The following CLNK variants were observed in gnomAD, a reference collection of about 807,000 sequenced individuals.
CLNK encodes the protein cytokine-dependent hematopoietic cell linker.
In CLNK, 74 loss-of-function variants were observed where a neutral mutation model predicts 68.6. That is an observed-to-expected ratio of 1.08 (90% CI 0.89 to 1.31). The LOEUF (loss-of-function observed/expected upper bound fraction) is 1.31, where lower values mean the gene tolerates loss of function less well. Among genes scored for constraint, CLNK ranks in the 50% most tolerant of loss-of-function variants. The pLI, the probability that CLNK is intolerant of heterozygous loss-of-function variation, is 0.00. For missense variants in CLNK, 553 were observed against 515.3 expected, an observed-to-expected ratio of 1.07 and a Z score of -0.71; for synonymous variants, 198 against 172.2, an observed-to-expected ratio of 1.15 and a Z score of -1.17.
intron 2 of CLNK, among the ~76,000 whole-genome samples, chr4:10,624,447 C>A (rs756353574): frequency 1.1e-4 from 17 of 152,296 alleles, no homozygotes; most frequent in African/African-American, 3.8e-4. Context: ...CGCCCGCCAC[C>A]ACGCCCGGCT....
At chr4:10,562,667 G>A (rs1719945964) in intron 7 of CLNK, among the ~76,000 whole-genome samples, 1 of 152,148 alleles carries the variant, frequency 6.6e-6, no homozygotes, top group South Asian at 2.1e-4. Context: ...GACTCCCAAA[G>A]TGCTGAGATT....
chr4:10,568,613 G>C (rs1239191116), intron 5 of CLNK, among the ~76,000 whole-genome samples: 1 of 152,214 alleles, frequency 6.6e-6, no homozygotes, highest in East Asian at 1.9e-4. Flanking sequence ...AATTTAGATA[G>C]AGGAGTCCAA....
intron 2 of CLNK, among the ~76,000 whole-genome samples, chr4:10,655,637 ATTTTTTTTTTTTTT>A (rs869196104): frequency 1.3e-5 from 1 of 74,806 alleles, no homozygotes; most frequent in Non-Finnish European, 2.5e-5. Context: ...GATAGATAGC[ATTTTTTTTTTTTTT>A]TTTTTTTTTT....
At chr4:10,569,107 G>C (rs967192741) in intron 5 of CLNK, among the ~76,000 whole-genome samples, 1 of 151,430 alleles carries the variant, frequency 6.6e-6, no homozygotes, top group African/African-American at 2.4e-5. Context: ...GAGAATTTAG[G>C]TAAAATGTAT....
intron 2 of CLNK, among the ~76,000 whole-genome samples, chr4:10,665,348 GC>G (rs1176665745): frequency 6.6e-6 from 1 of 152,160 alleles, no homozygotes; most frequent in Non-Finnish European, 1.5e-5. Flanking sequence ...TACAGAAGAG[GC>G]CCTTGGCATA....
At chr4:10,685,825 T>G (rs1725250816), upstream of CLNK, among the ~76,000 whole-genome samples, 1 of 152,180 alleles carries the variant, frequency 6.6e-6, no homozygotes, top group African/African-American at 2.4e-5. Flanking sequence ...ATTTTGTAAT[T>G]GTGAAAACTG....
chr4:10,716,525 G>T, the CLNK span, among the ~76,000 whole-genome samples: 1 of 152,120 alleles, frequency 6.6e-6, no homozygotes, highest in Admixed American at 6.5e-5. Flanking sequence ...CAACAAGGTG[G>T]TGAGTTCCCT....
At chr4:10,687,400 C>A (rs1725306582), upstream of CLNK, among the ~76,000 whole-genome samples, 1 of 151,772 alleles carries the variant, frequency 6.6e-6, no homozygotes, top group South Asian at 2.1e-4. Context: ...GACAAGAGAT[C>A]TGAGGTGTTG....
At chr4:10,689,903 C>T in the CLNK span, among the ~76,000 whole-genome samples, 4 of 151,926 alleles carry the variant, frequency 2.6e-5, no homozygotes, top group Non-Finnish European at 4.4e-5. Flanking sequence ...AATTGCTGTT[C>T]CCTCTCATCT....
chr4:10,586,680 C>A (rs975640193), intron 3 of CLNK, among the ~76,000 whole-genome samples: 11 of 152,142 alleles, frequency 7.2e-5, no homozygotes, highest in Admixed American at 2.0e-4. Context: ...CACTCTGGGC[C>A]CTTTGTTGCA....
chr4:10,730,101 G>A, the CLNK span, among the ~76,000 whole-genome samples: 3 of 152,214 alleles, frequency 2.0e-5, no homozygotes, highest in Non-Finnish European at 4.4e-5. Flanking sequence ...TGTGTTGGCA[G>A]TGGCTGTGGG....
the CLNK span, among the ~76,000 whole-genome samples, chr4:10,727,733 A>C: frequency 6.6e-6 from 1 of 152,220 alleles, no homozygotes; most frequent in Non-Finnish European, 1.5e-5. Flanking sequence ...CCAACACTAG[A>C]GCAACGAATA....
chr4:10,514,165 A>G (rs1717730780), intron 15 of CLNK, among the ~76,000 whole-genome samples: 1 of 144,034 alleles, frequency 6.9e-6, no homozygotes. Context: ...AATTTCATCC[A>G]TGTCCCTACA....
intron 2 of CLNK, among the ~76,000 whole-genome samples, chr4:10,606,725 A>T (rs1721807534): frequency 6.6e-6 from 1 of 152,156 alleles, no homozygotes; most frequent in Non-Finnish European, 1.5e-5. Context: ...ATCATATAGA[A>T]GGCCCATCAT....
Position 10,565,996 on chromosome 4 carries a change from C to A in CLNK, c.292+13G>T. 2.5e-6 allele frequency: 4 copies of A among 1,612,324 alleles called. No individual in the cohort carries two copies. The highest frequency in any genetic ancestry group is 1.7e-4 in the Middle Eastern group (1 of 6,060). ...ATGCATCTTCTTATTTCAGGCAGAC[C>A]CCCAAACGTTACCTGCATATTCAGA... On this transcript the variant is annotated intron_variant, in intron 6 of 18. Coordinates refer to ENST00000226951, the MANE Select transcript of CLNK (RefSeq NM_052964.4).
At chr4:10,681,307 A>G (rs1197466380) in intron 1 of CLNK, among the ~76,000 whole-genome samples, 1 of 152,190 alleles carries the variant, frequency 6.6e-6, no homozygotes, top group African/African-American at 2.4e-5. Context: ...CTTGGATACA[A>G]TTAGCTTTCT....
chr4:10,706,628 C>G, the CLNK span, among the ~76,000 whole-genome samples: 8 of 152,182 alleles, frequency 5.3e-5, no homozygotes, highest in African/African-American at 1.9e-4. Context: ...AGCTGCCCAA[C>G]TATTTTTCTC....
At chr4:10,578,174 A>T (rs544523168) in intron 4 of CLNK, among the ~76,000 whole-genome samples, 1 of 152,354 alleles carries the variant, frequency 6.6e-6, no homozygotes, top group East Asian at 1.9e-4. Context: ...CAGTAACAAG[A>T]TGCTGTGTTG....
chr4:10,519,310 T>C (rs1342511596), intron 15 of CLNK, among the ~76,000 whole-genome samples: 1 of 152,188 alleles, frequency 6.6e-6, no homozygotes, highest in East Asian at 1.9e-4. Flanking sequence ...CTTTATTTTT[T>C]ATTTGTGCAT....
Sources: allele counts gnomAD v4.1 joint callset (sites outside exome capture counted in the v4.1 genomes callset), GRCh38; gene constraint gnomAD v4.1.1; transcripts MANE v1.5; gene names NCBI Gene and HGNC (gene_info 2026-07-23, HGNC 2026-07-21).